Variants in LECT2 observed in about 807,000 individuals in gnomAD.
The protein encoded by LECT2 is leukocyte cell-derived chemotaxin-2.
LECT2 carries 11 observed loss-of-function variants against 16.6 expected under a neutral mutation model. The observed-to-expected ratio is 0.66, with a 90% CI of 0.42 to 1.09. The LOEUF (loss-of-function observed/expected upper bound fraction) is 1.09, where lower values mean the gene tolerates loss of function less well. Among genes scored for constraint, LECT2 ranks in the 50% least tolerant of loss-of-function variants. The probability of loss-of-function intolerance (pLI) is 0.00; values close to 1 mark genes in which losing one functional copy is unlikely to be tolerated. For synonymous variants in LECT2, 54 were observed against 64.8 expected (o/e 0.83, Z 0.80); for missense variants, 173 against 184.2 (o/e 0.94, Z 0.35).
rs1166027263 is a variant in LECT2, at chr5:135,947,222, C to T, written c.*109G>A. 3.1e-6 allele frequency: 3 copies of T among 961,258 alleles called. No homozygotes were observed. Among genetic ancestry groups the T allele is most frequent in the Non-Finnish European group, 4.8e-6 (3 of 629,254 alleles). 59.5% of individuals were successfully genotyped at this position (961,258 alleles called of 1,614,324 possible). A position where few individuals can be genotyped will look rare whatever the true frequency, so the allele number is the denominator to read the frequency against. ...ATGTCATGGAAAATGGGGTATCCATCCCTTCATGCATTTTTCCTTTGTGAA... is the reference window on the plus strand; with the variant it reads ...ATGTCATGGAAAATGGGGTATCCATTCCTTCATGCATTTTTCCTTTGTGAA... On this transcript the variant is annotated 3_prime_UTR_variant, in exon 4 of 4. Transcript: ENST00000274507.
intron 2 of LECT2, 172 bp from the exon 3 acceptor site, chr5:135,951,540 C>T (rs1222283646): frequency 1.3e-5 from 7 of 536,886 alleles, no homozygotes; most frequent in Non-Finnish European, 2.3e-5. Context: ...TTTTAACCTC[C>T]CTCCCCGCAG....
intron 3 of LECT2, among the ~76,000 whole-genome samples, chr5:135,949,908 GAGATTT>G: frequency 6.6e-6 from 1 of 152,318 alleles, no homozygotes. Context: ...ACAAATCTCT[GAGATTT>G]AGACGAATCT....
intron 1 of LECT2, among the ~76,000 whole-genome samples, chr5:135,953,480 G>A (rs537861938): frequency 9.8e-5 from 15 of 152,300 alleles, no homozygotes; most frequent in South Asian, 2.1e-4. Flanking sequence ...GATTACAGGC[G>A]TGAGCCACTG....
rs1763792790 is a variant in LECT2, at chr5:135,951,284, G to GC, written c.227dup (p.Gln77ProfsTer13). The GC allele has an allele frequency of 1.9e-6, 3 of 1,613,986 alleles. No homozygotes were observed. In the East Asian group the frequency reaches 6.7e-5, roughly 36 times the overall value. ...TCTTGTTTTGATAAGGTTTCTCCTG[G>GC]CCCACAATCATTCCAGTGAATGGTG... On this transcript the variant is annotated frameshift_variant, in exon 3 of 4. Coordinates refer to ENST00000274507, the MANE Select transcript of LECT2 (RefSeq NM_002302.3). LOFTEE classifies it high-confidence loss of function.
chr5:135,951,124 T>G, intron 3 of LECT2, 99 bp downstream of exon 3: 3 of 1,192,198 alleles, frequency 2.5e-6, no homozygotes, highest in Non-Finnish European at 3.6e-6. Flanking sequence ...TTTATCATTT[T>G]GAAAGAAGTA....
chr5:135,947,702 A>G (rs1417516189), intron 3 of LECT2, among the ~76,000 whole-genome samples: 2 of 152,210 alleles, frequency 1.3e-5, no homozygotes, highest in African/African-American at 4.8e-5. Context: ...AAACGCTAAT[A>G]AAGGCATTGA....
intron 2 of LECT2, among the ~76,000 whole-genome samples, chr5:135,952,067 G>C (rs1025691830): frequency 2.0e-5 from 3 of 152,222 alleles, no homozygotes; most frequent in African/African-American, 7.2e-5. Flanking sequence ...GCAACACTGA[G>C]CAAGCTCAAG....
At chr5:135,954,292 T>TAA in intron 1 of LECT2, among the ~76,000 whole-genome samples, 1 of 152,350 alleles carries the variant, frequency 6.6e-6, no homozygotes, top group East Asian at 1.9e-4. Context: ...GATCAAGATA[T>TAA]AATCCCATCA....
intron 1 of LECT2, among the ~76,000 whole-genome samples, chr5:135,954,390 T>C (rs1763832820): frequency 6.6e-6 from 1 of 152,222 alleles, no homozygotes; most frequent in Non-Finnish European, 1.5e-5. Flanking sequence ...TCGGTGAGTA[T>C]TAAGGGAGCC....
intron 1 of LECT2, among the ~76,000 whole-genome samples, chr5:135,954,358 AATTT>A (rs1435020163): frequency 2.6e-5 from 4 of 152,214 alleles, no homozygotes; most frequent in African/African-American, 9.6e-5. Context: ...ACAGTGTAGT[AATTT>A]ATTCACTTTT....
intron 3 of LECT2, among the ~76,000 whole-genome samples, chr5:135,950,451 G>T (rs1475081120): frequency 6.6e-6 from 1 of 152,184 alleles, no homozygotes; most frequent in Non-Finnish European, 1.5e-5. Flanking sequence ...ATGACTAAGT[G>T]GTAGCACAAG....
intron 1 of LECT2, among the ~76,000 whole-genome samples, chr5:135,953,746 CT>C (rs1763825818): frequency 6.6e-6 from 1 of 152,156 alleles, no homozygotes; most frequent in South Asian, 2.1e-4. Context: ...GAGAAACGAA[CT>C]CTGTACTAGC....
intron 3 of LECT2, among the ~76,000 whole-genome samples, chr5:135,949,132 C>T (rs1763750337): frequency 6.6e-6 from 1 of 152,134 alleles, no homozygotes; most frequent in African/African-American, 2.4e-5. Flanking sequence ...ATTAATATAA[C>T]AGTGAAGGAA....
At chr5:135,951,421 AC>A in intron 2 of LECT2, 53 bp from the exon 3 acceptor site, 1 of 1,533,314 alleles carries the variant, frequency 6.5e-7, no homozygotes, top group Non-Finnish European at 8.9e-7. Context: ...GGGGAGCTTT[AC>A]TGCCTGGGAA....
At chr5:135,951,452 T>C in intron 2 of LECT2, 84 bp from the exon 3 acceptor site, 1 of 1,306,578 alleles carries the variant, frequency 7.7e-7, no homozygotes, top group Non-Finnish European at 1.1e-6. Context: ...AGCCCACTGT[T>C]TGCAGACGAG....
rs367625856 is a variant in LECT2 at position 135,954,802 on chromosome 5, C to T, written c.32G>A (p.Gly11Asp). 2 of 1,613,276 alleles carry T rather than the reference C, an allele frequency of 1.2e-6. No homozygotes were observed. The highest frequency in any genetic ancestry group is 1.7e-6 in the Non-Finnish European group (2 of 1,179,318). ...TTTCGACTTACCGGTAGAAATCAGACCAGCCAAAAGGAGGGCTTTGGTGGA... is the reference window on the plus strand; with the variant it reads ...TTTCGACTTACCGGTAGAAATCAGATCAGCCAAAAGGAGGGCTTTGGTGGA... MFSTKALLLA[G>D]LISTALAGPW... Residue 11 changes from glycine to aspartate, a missense_variant, in exon 1 of 4, where the codon GGT becomes GAT. Physicochemically the swap from Gly to Asp is moderately conservative, Grantham distance 94. Coordinates refer to ENST00000274507, the MANE Select transcript of LECT2 (RefSeq NM_002302.3).
intron 2 of LECT2, chr5:135,951,703 C>G (rs1200059629): frequency 3.5e-5 from 8 of 229,134 alleles, no homozygotes; most frequent in Non-Finnish European, 6.7e-5. Context: ...TAGATCTTGA[C>G]ATCTTCAAGC....
In LECT2 at chr5:135,952,982, A is replaced by C. The variant is rs371241127; in HGVS notation, c.47-15T>G. 1.4e-4 allele frequency: 220 copies of C among 1,575,542 alleles called. No homozygotes were observed. In the African/African-American group the frequency reaches 2.9e-3, roughly 20 times the overall value. Reference sequence around the variant, plus strand: ...CCCTGCCAGTGCTAAAAAGGAGAAAAGTGAGAGCAGAGCTCCTGGCCTCAG... The same window carrying C: ...CCCTGCCAGTGCTAAAAAGGAGAAACGTGAGAGCAGAGCTCCTGGCCTCAG... On this transcript the variant is annotated splice_polypyrimidine_tract_variant and intron_variant, in intron 1 of 3. Coordinates refer to ENST00000274507, the MANE Select transcript of LECT2 (RefSeq NM_002302.3).
At chr5:135,954,725 G>T (rs925072243) in intron 1 of LECT2, 63 bp downstream of exon 1, 26 of 1,166,292 alleles carry the variant, frequency 2.2e-5, no homozygotes, top group African/African-American at 3.0e-5. Context: ...AATCTTTTTA[G>T]TCTTCCCCTG....
Sources: gnomAD v4.1 joint callset for allele counts (sites outside exome capture counted in the v4.1 genomes callset) on GRCh38, gnomAD v4.1.1 for gene constraint, MANE v1.5 for transcripts, NCBI Gene and HGNC (gene_info 2026-07-23, HGNC 2026-07-21) for gene names.